SPATA16: variants seen among roughly 807,000 people sequenced by gnomAD.
The protein encoded by SPATA16 is spermatogenesis-associated protein 16.
Under a neutral mutation model 63.3 loss-of-function variants are expected in SPATA16, and 36 were observed. That is an observed-to-expected ratio of 0.57 (90% CI 0.44 to 0.75). The LOEUF (loss-of-function observed/expected upper bound fraction) is 0.75. Ranked by LOEUF, SPATA16 falls within the 30% of genes least tolerant of loss-of-function variation. The probability of loss-of-function intolerance (pLI) is 0.00; values close to 1 mark genes in which losing one functional copy is unlikely to be tolerated. For missense variants in SPATA16, 646 were observed against 679.3 expected (o/e 0.95, Z 0.54); for synonymous variants, 203 against 216.7 (o/e 0.94, Z 0.56).
chr3:173,061,398 T>C (rs1736375139), intron 2 of SPATA16, among the ~76,000 whole-genome samples: 1 of 152,162 alleles, frequency 6.6e-6, no homozygotes. Flanking sequence ...CGTTCTTTCT[T>C]GGGGATTTGG....
intron 3 of SPATA16, among the ~76,000 whole-genome samples, chr3:173,047,147 A>G (rs1162942739): frequency 6.6e-6 from 1 of 151,470 alleles, no homozygotes; most frequent in East Asian, 1.9e-4. Flanking sequence ...GAATTGCAGC[A>G]TCTTGTGGTT....
At chr3:173,000,372 T>C (rs1165657644) in intron 4 of SPATA16, among the ~76,000 whole-genome samples, 2 of 152,214 alleles carry the variant, frequency 1.3e-5, no homozygotes, top group Non-Finnish European at 2.9e-5. Flanking sequence ...TTTTTTTCTC[T>C]CAATACTTTA....
chr3:172,989,017 A>G (rs923118410), intron 4 of SPATA16, among the ~76,000 whole-genome samples: 1 of 152,204 alleles, frequency 6.6e-6, no homozygotes, highest in African/African-American at 2.4e-5. Context: ...AGGCAGAATT[A>G]TGATGTGCTT....
At chr3:172,889,767 G>T (rs1731857182) in intron 10 of SPATA16, 75 bp from the exon 11 acceptor site, 3 of 1,576,564 alleles carry the variant, frequency 1.9e-6, no homozygotes, top group South Asian at 1.1e-5. Flanking sequence ...AAACGGTGAG[G>T]TATTTAAAAT....
intron 4 of SPATA16, among the ~76,000 whole-genome samples, chr3:173,009,114 C>T (rs1735003093): frequency 6.6e-6 from 1 of 152,168 alleles, no homozygotes; most frequent in African/African-American, 2.4e-5. Flanking sequence ...ACTGAAATAA[C>T]TGGCAATATT....
At chr3:173,058,027 A>T (rs557325491) in intron 2 of SPATA16, among the ~76,000 whole-genome samples, 1 of 152,228 alleles carries the variant, frequency 6.6e-6, no homozygotes, top group East Asian at 1.9e-4. Context: ...AGACCCTCAA[A>T]ATTCTATTAT....
chr3:172,892,932 G>T (rs1731924083), intron 10 of SPATA16, among the ~76,000 whole-genome samples: 1 of 152,276 alleles, frequency 6.6e-6, no homozygotes, highest in Middle Eastern at 3.4e-3. Flanking sequence ...TGACATTACA[G>T]TGATATGGAC....
intron 10 of SPATA16, among the ~76,000 whole-genome samples, chr3:172,899,295 AT>A (rs1732074291): frequency 6.6e-6 from 1 of 152,116 alleles, no homozygotes; most frequent in Non-Finnish European, 1.5e-5. Context: ...TTTGCTTCAT[AT>A]ATTTTGCAGA....
intron 3 of SPATA16, among the ~76,000 whole-genome samples, chr3:173,045,503 G>C (rs1560105740): frequency 6.6e-6 from 1 of 152,050 alleles, no homozygotes; most frequent in Non-Finnish European, 1.5e-5. Flanking sequence ...AAATTCATGG[G>C]TTTATAATTA....
intron 10 of SPATA16, among the ~76,000 whole-genome samples, chr3:172,894,130 C>A (rs1731956155): frequency 6.6e-6 from 1 of 152,106 alleles, no homozygotes; most frequent in South Asian, 2.1e-4. Flanking sequence ...TTTCACTCCA[C>A]CACAGTGGAT....
At chr3:173,081,176 G>T (rs1395546611) in intron 2 of SPATA16, among the ~76,000 whole-genome samples, 1 of 152,244 alleles carries the variant, frequency 6.6e-6, no homozygotes, top group Non-Finnish European at 1.5e-5. Context: ...GTAGCTAGCA[G>T]ATGCCTGGCA....
At chr3:173,123,325 T>A (rs1738134113) in intron 1 of SPATA16, among the ~76,000 whole-genome samples, 1 of 152,200 alleles carries the variant, frequency 6.6e-6, no homozygotes, top group South Asian at 2.1e-4. Context: ...TTGAAAGACA[T>A]TACCAGGAGA....
intron 2 of SPATA16, among the ~76,000 whole-genome samples, chr3:173,106,732 C>A (rs1737630634): frequency 6.6e-6 from 1 of 152,096 alleles, no homozygotes; most frequent in Non-Finnish European, 1.5e-5. Context: ...TCTGTTTTAT[C>A]CTTCTTTCAC....
At chr3:173,130,719 CT>C (rs1234354776) in intron 1 of SPATA16, among the ~76,000 whole-genome samples, 4 of 152,156 alleles carry the variant, frequency 2.6e-5, no homozygotes, top group Non-Finnish European at 5.9e-5. Context: ...TCACCTAGTT[CT>C]TTGCAAGATT....
chr3:173,043,460 T>C (rs1406361820), intron 3 of SPATA16, among the ~76,000 whole-genome samples: 1 of 152,002 alleles, frequency 6.6e-6, no homozygotes, highest in East Asian at 1.9e-4. Flanking sequence ...TGTAGTCAAA[T>C]ATTTTACATT....
chr3:172,957,910 C>T (rs994988346), intron 5 of SPATA16, among the ~76,000 whole-genome samples: 2 of 152,146 alleles, frequency 1.3e-5, no homozygotes, highest in Non-Finnish European at 2.9e-5. Flanking sequence ...CTTCAAATGC[C>T]TCTATGATCA....
intron 6 of SPATA16, among the ~76,000 whole-genome samples, chr3:172,952,967 A>G (rs1193335624): frequency 1.3e-5 from 2 of 149,780 alleles, no homozygotes; most frequent in African/African-American, 4.9e-5. Flanking sequence ...AAAAGAAAAC[A>G]GTTTGGTAAA....
chr3:172,980,724 G>T (rs1734285777), intron 4 of SPATA16, among the ~76,000 whole-genome samples: 1 of 151,944 alleles, frequency 6.6e-6, no homozygotes, highest in Non-Finnish European at 1.5e-5. Context: ...TTTTCTCCTG[G>T]AGCTTTTCTG....
intron 2 of SPATA16, among the ~76,000 whole-genome samples, chr3:173,105,701 A>G (rs1236487072): frequency 6.6e-6 from 1 of 151,978 alleles, no homozygotes; most frequent in Non-Finnish European, 1.5e-5. Context: ...CAGCCTTCAC[A>G]TGCAATATAT....
Sources: allele counts gnomAD v4.1 joint callset (sites outside exome capture counted in the v4.1 genomes callset), GRCh38; gene constraint gnomAD v4.1.1; transcripts MANE v1.5; gene names NCBI Gene and HGNC (gene_info 2026-07-23, HGNC 2026-07-21).